SYNE2: variants seen among roughly 807,000 people sequenced by gnomAD.
SYNE2 encodes spectrin repeat containing nuclear envelope protein 2.
In SYNE2, 431 loss-of-function variants were observed where a neutral mutation model predicts 856.3. The ratio of observed to expected loss-of-function variants is 0.50; its 90% CI spans 0.47 to 0.55. SYNE2 has a LOEUF of 0.55. Among genes scored for constraint, SYNE2 ranks in the 20% least tolerant of loss-of-function variants. The pLI, the probability that SYNE2 is intolerant of heterozygous loss-of-function variation, is 0.00. For synonymous variants in SYNE2, 2,923 were observed against 2,872.3 expected (o/e 1.02, Z -0.56); for missense variants, 8,129 against 8,023.2 (o/e 1.01, Z -0.50).
intron 1 of SYNE2, chr14:63,873,726 T>G (rs1275898910): frequency 6.6e-6 from 1 of 152,210 alleles, no homozygotes; most frequent in Non-Finnish European, 1.5e-5. Flanking sequence ...AAGATTCTCA[T>G]TTTTTTCTCC....
intron 19 of SYNE2, among the ~76,000 whole-genome samples, chr14:63,987,687 AT>A: frequency 6.6e-6 from 1 of 152,000 alleles, no homozygotes; most frequent in East Asian, 1.9e-4. Flanking sequence ...TGCTTTTCTG[AT>A]TTTATTTTTA....
At chr14:63,816,592 G>T (rs1039685378) in intron 1 of SYNE2, among the ~76,000 whole-genome samples, 1 of 151,992 alleles carries the variant, frequency 6.6e-6, no homozygotes, top group Non-Finnish European at 1.5e-5. Flanking sequence ...CCTAAAGCTC[G>T]TCATAAGACC....
At chr14:64,113,012 C>T in intron 65 of SYNE2, 1 of 985,340 alleles carries the variant, frequency 1.0e-6, no homozygotes, top group Non-Finnish European at 1.2e-6. Flanking sequence ...GGCCAATTCC[C>T]TTAAATGTTT....
chr14:63,861,292 G>GC (rs1893616998), intron 1 of SYNE2, among the ~76,000 whole-genome samples: 1 of 151,536 alleles, frequency 6.6e-6, no homozygotes, highest in Admixed American at 6.6e-5. Flanking sequence ...TTACAGGTGC[G>GC]CACCACCACG....
chr14:63,974,786 A>ATATATGTGTG lies in SYNE2; in HGVS notation c.1129-1772_1129-1771insGTGTGTATAT, dbSNP rs1238392788. On this transcript the variant is annotated intron_variant, in intron 11 of 115. Coordinates refer to ENST00000555002, the MANE Select transcript of SYNE2 (RefSeq NM_182914.3). ...TGTGTGTGTATATATATATGTGTGT[A>ATATATGTGTG]TATATATGTGTATATATGTGTATAT... Among the ~76,000 whole-genome samples, 177 of 73,290 alleles carry ATATATGTGTG rather than the reference A, an allele frequency of 2.4e-3. 3 individuals are homozygous for ATATATGTGTG. In the East Asian group the frequency reaches 0.047, roughly 19 times the overall value. 48.1% of individuals were successfully genotyped at this position (73,290 alleles called of 152,430 possible).
chr14:64,172,466 G>A (rs1225136075), intron 94 of SYNE2, among the ~76,000 whole-genome samples: 3 of 152,180 alleles, frequency 2.0e-5, no homozygotes, highest in African/African-American at 7.2e-5. Flanking sequence ...GTTACCACGT[G>A]AGGGCTTCCA....
At chr14:64,100,553 T>TAG (rs1567299248) in intron 63 of SYNE2, among the ~76,000 whole-genome samples, 26 of 125,238 alleles carry the variant, frequency 2.1e-4, no homozygotes, top group South Asian at 1.2e-3. Context: ...TATATATATA[T>TAG]ATATATATAT....
intron 1 of SYNE2, among the ~76,000 whole-genome samples, chr14:63,799,037 C>A (rs1400213626): frequency 1.3e-5 from 2 of 152,210 alleles, no homozygotes; most frequent in East Asian, 3.9e-4. Flanking sequence ...ATGGCACTGA[C>A]CTGTATTTAG....
chr14:63,968,258 A>G (rs1595930102), intron 11 of SYNE2, among the ~76,000 whole-genome samples: 1 of 152,192 alleles, frequency 6.6e-6, no homozygotes, highest in South Asian at 2.1e-4. Flanking sequence ...GACAGTGTAG[A>G]TGCTTCATCA....
At chr14:63,937,421 G>A (rs377116207) in intron 2 of SYNE2, among the ~76,000 whole-genome samples, 1 of 152,200 alleles carries the variant, frequency 6.6e-6, no homozygotes, top group African/African-American at 2.4e-5. Context: ...TTCTTGCGTT[G>A]GAGCACAGGG....
At chr14:63,819,235 TTTTC>T (rs1290747717) in intron 1 of SYNE2, among the ~76,000 whole-genome samples, 1 of 151,330 alleles carries the variant, frequency 6.6e-6, no homozygotes, top group African/African-American at 2.5e-5. Flanking sequence ...TTTTCTTTTC[TTTTC>T]TTTTTTTTTG....
intron 96 of SYNE2, among the ~76,000 whole-genome samples, chr14:64,183,969 GGGGAGGGGGA>G (rs2098475306): frequency 7.2e-6 from 1 of 137,952 alleles, no homozygotes; most frequent in Non-Finnish European, 1.6e-5. Context: ...GGGAGGGGGT[GGGGAGGGGGA>G]GGGGAGGGGG....
intron 59 of SYNE2, 81 bp downstream of exon 59, chr14:64,089,777 A>G: frequency 8.0e-7 from 1 of 1,242,756 alleles, no homozygotes; most frequent in South Asian, 1.3e-5. Flanking sequence ...TGTGATTTAA[A>G]AAAGCATTTA....
At chr14:64,006,457 A>T (rs1297209787) in intron 30 of SYNE2, among the ~76,000 whole-genome samples, 1 of 151,978 alleles carries the variant, frequency 6.6e-6, no homozygotes, top group Non-Finnish European at 1.5e-5. Context: ...ACCTTTTACA[A>T]GTGTGTTCAT....
chr14:64,133,939 A>G, intron 77 of SYNE2, 130 bp from the exon 78 acceptor site: 2 of 1,102,836 alleles, frequency 1.8e-6, no homozygotes, highest in Non-Finnish European at 1.4e-6. Flanking sequence ...CGTCTCTCGA[A>G]CACACCTGGA....
At chr14:63,894,269 A>G (rs1035316670) in intron 1 of SYNE2, among the ~76,000 whole-genome samples, 1 of 148,156 alleles carries the variant, frequency 6.7e-6, no homozygotes, top group African/African-American at 2.5e-5. Context: ...AGTGGATGTG[A>G]TCATAGGATC....
intron 97 of SYNE2, among the ~76,000 whole-genome samples, chr14:64,188,017 TG>T (rs1328400503): frequency 6.6e-6 from 1 of 152,196 alleles, no homozygotes; most frequent in Non-Finnish European, 1.5e-5. Flanking sequence ...AACGGGCAAG[TG>T]GGTTAAATGA....
Position 63,986,591 on chromosome 14 carries a change from G to C in SYNE2, c.2287G>C (p.Asp763His). ...ATCTGTTTTGGATCAAGATGATGTG[G>C]ACACCTCAATGGAAGAATCTTTGAA... ...AKSVLDQDDV[D>H]TSMEESLKHL... is the part of the protein sequence containing the mutation. The change falls in exon 19 of 116, where the codon GAC becomes CAC. Residue 763 changes from aspartate (D) to histidine (H), a missense_variant. Transcript: ENST00000555002. The C allele has an allele frequency of 6.2e-7, 1 of 1,614,110 alleles. No individual in the cohort carries two copies. Among genetic ancestry groups the C allele is most frequent in the Non-Finnish European group, 8.5e-7 (1 of 1,179,998 alleles).
Position 63,982,908 on chromosome 14 carries a change from C to T in SYNE2, c.2001+114C>T. The T allele has an allele frequency of 4.8e-6, 5 of 1,050,538 alleles. No individual in the cohort carries two copies. The South Asian group carries it at 7.1e-5, about 15-fold the overall frequency. The allele number at this position is 1,050,538 out of a possible 1,614,324, so 65.1% of individuals were successfully genotyped here. On this transcript the variant is annotated intron_variant, in intron 17 of 115. Coordinates refer to ENST00000555002, the MANE Select transcript of SYNE2 (RefSeq NM_182914.3). ...TCTGGTATATGCACAGTTACGTAGC[C>T]ATTACCATAAAAAATTTAGAACATT...
Sources: allele counts gnomAD v4.1 joint callset (sites outside exome capture counted in the v4.1 genomes callset), GRCh38; gene constraint gnomAD v4.1.1; transcripts MANE v1.5; gene names NCBI Gene and HGNC (gene_info 2026-07-23, HGNC 2026-07-21).